Variants in WIPF3 observed in about 807,000 individuals in gnomAD.
The protein encoded by WIPF3 is WAS/WASL-interacting protein family member 3.
WIPF3 carries 33 observed loss-of-function variants against 38.9 expected under a neutral mutation model. The observed-to-expected ratio is 0.85, with a 90% confidence interval of 0.64 to 1.14. The LOEUF is 1.14. Among genes scored for constraint, WIPF3 ranks in the 50% most tolerant of loss-of-function variants. WIPF3 has a pLI of 0.00. For synonymous variants in WIPF3, 324 were observed against 269.3 expected (o/e 1.20, Z -1.99); for missense variants, 711 against 652.5 (o/e 1.09, Z -0.98).
At chr7:29,834,884 T>G in intron 2 of WIPF3, 70 bp downstream of exon 2, 1 of 1,499,940 alleles carries the variant, frequency 6.7e-7, no homozygotes, top group Non-Finnish European at 8.9e-7. Context: ...GCAGAAGGTT[T>G]TAAATGTTCA....
intron 8 of WIPF3, among the ~76,000 whole-genome samples, chr7:29,913,291 G>T (rs1786539873): frequency 6.7e-6 from 1 of 150,026 alleles, no homozygotes; most frequent in South Asian, 2.1e-4. Flanking sequence ...GTTGCGGTGA[G>T]CTGAGATCAC....
At chr7:29,846,543 A>C (rs145456885) in intron 2 of WIPF3, among the ~76,000 whole-genome samples, 2 of 152,364 alleles carry the variant, frequency 1.3e-5, no homozygotes, top group East Asian at 3.9e-4. Context: ...TCTACTAAAA[A>C]TACGAGAATT....
chr7:29,902,271 C>T (rs71532971), intron 7 of WIPF3, among the ~76,000 whole-genome samples: 57,504 of 101,850 alleles, frequency 0.56, 15,835 homozygotes, highest in East Asian at 0.78. Flanking sequence ...TCTTCTTCTT[C>T]TTCTTTTTTT....
intron 1 of WIPF3, among the ~76,000 whole-genome samples, chr7:29,827,056 T>C (rs1285275749): frequency 6.6e-6 from 1 of 152,190 alleles, no homozygotes; most frequent in East Asian, 1.9e-4. Flanking sequence ...AAGAACAGTG[T>C]CTGACACATA....
Position 29,916,628 on chromosome 7 carries a change from G to C in WIPF3, c.*2112G>C, listed in dbSNP as rs1786621199. Reference sequence around the variant, plus strand: ...CTTGGGAGGTTCAGGCACAAGAATTGCTTGAACCCTGGAGGTGGAGGTTGC... The same window carrying C: ...CTTGGGAGGTTCAGGCACAAGAATTCCTTGAACCCTGGAGGTGGAGGTTGC... On this transcript the variant is annotated 3_prime_UTR_variant, in exon 9 of 9. Transcript: ENST00000242140. 1 of 152,066 alleles carries C rather than the reference G, an allele frequency of 6.6e-6. No individual in the cohort carries two copies. The highest frequency in any genetic ancestry group is 6.6e-5 in the Admixed American group (1 of 15,242). The allele number at this position is 152,066 out of a possible 1,614,324, so 9.4% of individuals were successfully genotyped here. A position where few individuals can be genotyped will look rare whatever the true frequency, so the allele number is the denominator to read the frequency against.
chr7:29,914,180 G>A (rs1050080179), intron 8 of WIPF3, among the ~76,000 whole-genome samples: 11 of 152,102 alleles, frequency 7.2e-5, no homozygotes, highest in Non-Finnish European at 1.6e-4. Flanking sequence ...CCTTAACTTG[G>A]GGTCTCCAGC....
chr7:29,890,596 C>G (rs556679830), intron 7 of WIPF3, among the ~76,000 whole-genome samples: 1 of 152,228 alleles, frequency 6.6e-6, no homozygotes, highest in Non-Finnish European at 1.5e-5. Flanking sequence ...GCTCTTTGCC[C>G]GTCTTCTTTC....
At chr7:29,828,277 T>C (rs1784656382) in intron 1 of WIPF3, among the ~76,000 whole-genome samples, 2 of 152,184 alleles carry the variant, frequency 1.3e-5, no homozygotes, top group South Asian at 4.1e-4. Flanking sequence ...CTGAAATAAC[T>C]CACAAAGTGT....
intron 7 of WIPF3, among the ~76,000 whole-genome samples, chr7:29,901,848 A>AAG (rs1300493323): frequency 1.1e-4 from 3 of 28,434 alleles, no homozygotes; most frequent in African/African-American, 2.1e-4. Flanking sequence ...AAAAAAAAAA[A>AAG]AGAAAGAAAG....
intron 7 of WIPF3, among the ~76,000 whole-genome samples, chr7:29,896,556 C>T (rs1786148787): frequency 6.6e-6 from 1 of 152,068 alleles, no homozygotes; most frequent in Admixed American, 6.5e-5. Flanking sequence ...GTGGAGGTTG[C>T]AGTGAGCCAT....
intron 2 of WIPF3, among the ~76,000 whole-genome samples, chr7:29,848,476 T>G (rs1785038421): frequency 6.6e-6 from 1 of 152,134 alleles, no homozygotes; most frequent in Admixed American, 6.5e-5. Context: ...CAAGCCCCTC[T>G]CCAAAGCAAA....
intron 2 of WIPF3, among the ~76,000 whole-genome samples, chr7:29,856,406 T>C (rs535515763): frequency 4.5e-4 from 69 of 152,296 alleles, no homozygotes; most frequent in African/African-American, 1.7e-3. Flanking sequence ...GGCTGGAGGA[T>C]TGCTTGAGCC....
chr7:29,860,769 G>C (rs531023788), intron 2 of WIPF3, among the ~76,000 whole-genome samples: 51 of 152,346 alleles, frequency 3.3e-4, no homozygotes, highest in Non-Finnish European at 6.8e-4. Context: ...GTAGGAATCA[G>C]AGATACATTT....
intron 2 of WIPF3, among the ~76,000 whole-genome samples, chr7:29,854,161 T>G (rs564612534): frequency 2.9e-4 from 44 of 152,184 alleles, no homozygotes; most frequent in Non-Finnish European, 5.9e-4. Context: ...GAGCACATCC[T>G]TCCATAGGTT....
At chr7:29,825,996 C>G (rs1374845428) in intron 1 of WIPF3, among the ~76,000 whole-genome samples, 2 of 152,128 alleles carry the variant, frequency 1.3e-5, no homozygotes, top group Non-Finnish European at 2.9e-5. Context: ...AATGGTTTCC[C>G]TTTCACTTTG....
In WIPF3 at chr7:29,884,436, A is replaced by G. The variant is rs747042942; in HGVS notation, c.942A>G (p.Pro314=). The change falls in exon 5 of 9, where the codon CCA becomes CCG. Residue 314 remains proline, a synonymous_variant. Coordinates refer to ENST00000242140, the MANE Select transcript of WIPF3 (RefSeq NM_001080529.3). ...PRASLPAPPL[P]GVNSSSETPP... is the part of the protein sequence containing the mutation. ...CTTCTTTGCCCGCGCCCCCTTTGCC[A>G]GGAGTTAATAGCAGCAGTGAAACTC... 5.4e-6 allele frequency: 7 copies of G among 1,289,774 alleles called. No homozygotes were observed. In the African/African-American group the frequency reaches 1.2e-4, roughly 23 times the overall value. The allele number at this position is 1,289,774 out of a possible 1,614,324, so 79.9% of individuals were successfully genotyped here.
chr7:29,810,770 T>G (rs950162661), intron 1 of WIPF3, among the ~76,000 whole-genome samples: 37 of 152,396 alleles, frequency 2.4e-4, no homozygotes, highest in African/African-American at 8.9e-4. Context: ...ACATGCATCA[T>G]TTATTTGCTG....
intron 2 of WIPF3, among the ~76,000 whole-genome samples, chr7:29,840,194 TCTC>T (rs1055624182): frequency 6.6e-6 from 1 of 152,086 alleles, no homozygotes; most frequent in Non-Finnish European, 1.5e-5. Context: ...ATCCTCTGCT[TCTC>T]CTCTCGAGAA....
At chr7:29,871,797 T>A (rs1047198829) in intron 2 of WIPF3, among the ~76,000 whole-genome samples, 1 of 152,130 alleles carries the variant, frequency 6.6e-6, no homozygotes, top group Non-Finnish European at 1.5e-5. Flanking sequence ...TTGTTAAGAC[T>A]GTTGTTCAAT....
Sources: allele counts gnomAD v4.1 joint callset (sites outside exome capture counted in the v4.1 genomes callset), GRCh38; gene constraint gnomAD v4.1.1; transcripts MANE v1.5; gene names NCBI Gene and HGNC (gene_info 2026-07-23, HGNC 2026-07-21).